Variants in MACROD2 observed in about 807,000 individuals in gnomAD.
MACROD2 encodes ADP-ribose glycohydrolase MACROD2.
Under a neutral mutation model 70.4 loss-of-function variants are expected in MACROD2, and 36 were observed. That is an observed-to-expected ratio of 0.51 (90% CI 0.39 to 0.68). The LOEUF (loss-of-function observed/expected upper bound fraction) is 0.68, where lower values mean the gene tolerates loss of function less well. MACROD2 is among the 30% of genes least tolerant of loss of function. The pLI is 0.00. For synonymous variants in MACROD2, 172 were observed against 178.8 expected, an observed-to-expected ratio of 0.96 and a Z score of 0.30; for missense variants, 496 against 538.4, an observed-to-expected ratio of 0.92 and a Z score of 0.78.
At chr20:14,959,099 T>C in intron 5 of MACROD2, among the ~76,000 whole-genome samples, 1 of 152,154 alleles carries the variant, frequency 6.6e-6, no homozygotes, top group East Asian at 1.9e-4. Flanking sequence ...GGGATTCTTC[T>C]GGTGCCCCTG....
chr20:14,293,208 T>G (rs532266295), intron 3 of MACROD2, among the ~76,000 whole-genome samples: 1 of 151,730 alleles, frequency 6.6e-6, no homozygotes, highest in African/African-American at 2.4e-5. Flanking sequence ...CCATATGCTA[T>G]TCTAGGCACT....
chr20:15,319,853 C>T (rs1026275005), intron 6 of MACROD2, among the ~76,000 whole-genome samples: 1 of 152,132 alleles, frequency 6.6e-6, no homozygotes, highest in African/African-American at 2.4e-5. Flanking sequence ...TGAAGCCAGA[C>T]ACAATAGGTC....
At position 14,084,072 on chromosome 20, in the gene MACROD2, AAAAAACAAAC is replaced by A. The variant is rs1299094841; in HGVS notation, c.164-1543_164-1534del. On this transcript the variant is annotated intron_variant, in intron 2 of 17. Transcript: ENST00000684519. Reference sequence around the variant, plus strand: ...GCGAGACTCCGTCTCAAAAAAAAACAAAAAACAAACAAAAAAAAACCTTCCGGGAGAGAAG... The same window carrying A: ...GCGAGACTCCGTCTCAAAAAAAAACAAAAAAAAAACCTTCCGGGAGAGAAG... Among the ~76,000 whole-genome samples, 4 of 138,250 alleles carry A rather than the reference AAAAAACAAAC, an allele frequency of 2.9e-5. 1 individual carries two copies. The highest frequency in any genetic ancestry group is 6.4e-5 in the Non-Finnish European group (4 of 62,216). 90.7% of individuals were successfully genotyped at this position (138,250 alleles called of 152,430 possible).
intron 5 of MACROD2, among the ~76,000 whole-genome samples, chr20:15,147,871 C>A (rs917049221): frequency 6.6e-6 from 1 of 151,936 alleles, no homozygotes; most frequent in African/African-American, 2.4e-5. Context: ...TGTTCTCTGG[C>A]AGGCAGGAGT....
At position 14,963,818 on chromosome 20, in the gene MACROD2, T is replaced by C. The variant is rs535947784; in HGVS notation, c.419-266122T>C. ...GGAGGAGAAGGATCCTCAAATCTTA[T>C]AGCAATTTAGCATGGTCTAGTCCCC... On this transcript the variant is annotated intron_variant, in intron 5 of 17. Coordinates refer to ENST00000684519, the MANE Select transcript of MACROD2 (RefSeq NM_001351661.2). Among the ~76,000 whole-genome samples, 15 of 152,312 alleles carry C rather than the reference T, an allele frequency of 9.8e-5. No individual in the cohort carries two copies. The South Asian group carries it at 2.9e-3, about 29-fold the overall frequency.
intron 7 of MACROD2, among the ~76,000 whole-genome samples, chr20:15,442,491 C>A (rs549660225): frequency 1.1e-4 from 17 of 152,170 alleles, no homozygotes; most frequent in African/African-American, 3.1e-4. Context: ...CATTTACTTA[C>A]CCGCCCTGGT....
At chr20:15,356,081 GT>G (rs896096459) in intron 6 of MACROD2, among the ~76,000 whole-genome samples, 12 of 148,984 alleles carry the variant, frequency 8.1e-5, no homozygotes, top group Middle Eastern at 3.5e-3. Flanking sequence ...ATCACTCTTG[GT>G]TTTTTTTTTC....
Position 14,805,318 on chromosome 20 carries a change from A to G in MACROD2, c.418+120359A>G, listed in dbSNP as rs140699475. Among the ~76,000 whole-genome samples, 502 of 152,144 alleles carry G rather than the reference A, an allele frequency of 3.3e-3. 6 individuals are homozygous for G. The highest frequency in any genetic ancestry group is 0.01 in the African/African-American group (435 of 41,484). The stretch of plus-strand genomic sequence containing the variant: ...TAGAATTCAGTTTAATTGATCTTAC[A>G]TTTAGAGAAATTTTTCCCTAGCCTC... On this transcript the variant is annotated intron_variant, in intron 5 of 17. Transcript: ENST00000684519.
intron 5 of MACROD2, among the ~76,000 whole-genome samples, chr20:15,031,531 C>T (rs936760832): frequency 1.3e-5 from 2 of 152,180 alleles, no homozygotes; most frequent in African/African-American, 4.8e-5. Flanking sequence ...TTTCCTCAGG[C>T]AGGTCGTCCT....
intron 4 of MACROD2, among the ~76,000 whole-genome samples, chr20:14,676,057 A>G (rs2070857080): frequency 6.6e-6 from 1 of 152,188 alleles, no homozygotes; most frequent in Non-Finnish European, 1.5e-5. Flanking sequence ...GCAAGTTCTT[A>G]GAGACCTACA....
chr20:14,096,454 C>T (rs1003489184), intron 3 of MACROD2, among the ~76,000 whole-genome samples: 1 of 149,272 alleles, frequency 6.7e-6, no homozygotes, highest in Non-Finnish European at 1.5e-5. Context: ...ACAATATCCT[C>T]CTCCCCAGTT....
At chr20:14,145,512 T>C (rs939361861) in intron 3 of MACROD2, among the ~76,000 whole-genome samples, 2 of 152,212 alleles carry the variant, frequency 1.3e-5, no homozygotes. Context: ...TTGAAATCAC[T>C]AGGTAGAAGA....
At chr20:14,520,975 G>GCACT (rs386393384) in intron 4 of MACROD2, among the ~76,000 whole-genome samples, 1 of 150,856 alleles carries the variant, frequency 6.6e-6, no homozygotes, top group Non-Finnish European at 1.5e-5. Flanking sequence ...ACACACACAC[G>GCACT]CACACACACA....
At chr20:15,968,417 G>A (rs1344003359) in intron 13 of MACROD2, among the ~76,000 whole-genome samples, 1 of 151,924 alleles carries the variant, frequency 6.6e-6, no homozygotes, top group Non-Finnish European at 1.5e-5. Context: ...TGCCACCCAG[G>A]TACCCTTTCT....
intron 3 of MACROD2, among the ~76,000 whole-genome samples, chr20:14,238,142 C>T (rs1169688421): frequency 6.6e-6 from 1 of 152,150 alleles, no homozygotes; most frequent in Non-Finnish European, 1.5e-5. Context: ...AATGGTTGAA[C>T]TAGTTTACAG....
chr20:15,944,988 T>A (rs892835633), intron 12 of MACROD2, among the ~76,000 whole-genome samples: 1 of 151,982 alleles, frequency 6.6e-6, no homozygotes, highest in Admixed American at 6.6e-5. Context: ...GGACTAAGAG[T>A]CTAATCTCTT....
chr20:14,994,764 T>C (rs1005033043), intron 5 of MACROD2, among the ~76,000 whole-genome samples: 13 of 152,236 alleles, frequency 8.5e-5, no homozygotes, highest in Non-Finnish European at 1.8e-4. Flanking sequence ...TCAATTATTT[T>C]TCTACTAGTG....
chr20:14,934,784 T>C (rs2074326308), intron 5 of MACROD2: 1 of 151,878 alleles, frequency 6.6e-6, no homozygotes, highest in South Asian at 2.1e-4. Flanking sequence ...AGCCTCTGTC[T>C]CCAAAAAACA....
intron 8 of MACROD2, among the ~76,000 whole-genome samples, chr20:15,649,806 C>CATTTA: frequency 6.6e-6 from 1 of 152,208 alleles, no homozygotes; most frequent in South Asian, 2.1e-4. Flanking sequence ...ATTGCAAAGC[C>CATTTA]ATTTAAGACT....
Sources: allele counts gnomAD v4.1 joint callset (sites outside exome capture counted in the v4.1 genomes callset), GRCh38; gene constraint gnomAD v4.1.1; transcripts MANE v1.5; gene names NCBI Gene and HGNC (gene_info 2026-07-23, HGNC 2026-07-21).